The following PVT1 variants were observed in gnomAD, a reference collection of about 807,000 sequenced individuals.
PVT1 encodes the protein Pvt1 oncogene.
At chr8:127,949,061 T>C (rs921346364) in intron 3 of PVT1, among the ~76,000 whole-genome samples, 21 of 152,306 alleles carry the variant, frequency 1.4e-4, no homozygotes, top group East Asian at 5.8e-4. Flanking sequence ...TTCATCTTCA[T>C]GTGTAGCCTT....
chr8:127,994,411 C>T (rs1817080202), intron 4 of PVT1, among the ~76,000 whole-genome samples: 1 of 152,178 alleles, frequency 6.6e-6, no homozygotes, highest in African/African-American at 2.4e-5. Context: ...TGCCCTTGTC[C>T]ACTTTCCTGT....
intron 2 of PVT1, among the ~76,000 whole-genome samples, chr8:127,831,576 A>G (rs1051299872): frequency 3.9e-5 from 6 of 152,158 alleles, no homozygotes; most frequent in African/African-American, 1.4e-4. Context: ...ATAGATAGAA[A>G]AGTGGACATA....
chr8:128,031,855 G>A (rs116156987), intron 4 of PVT1, among the ~76,000 whole-genome samples: 2,525 of 152,194 alleles, frequency 0.017, 67 homozygotes, highest in African/African-American at 0.057. Context: ...AAGACAATCC[G>A]GCGTTTGAAC....
At chr8:127,880,039 T>C (rs76890156) in intron 2 of PVT1, among the ~76,000 whole-genome samples, 1,886 of 152,296 alleles carry the variant, frequency 0.012, 35 homozygotes, top group East Asian at 0.11. Flanking sequence ...CCTCTCACAT[T>C]CTATGTGGTC....
chr8:128,069,279 A>G (rs891303260), intron 4 of PVT1, among the ~76,000 whole-genome samples: 7 of 152,106 alleles, frequency 4.6e-5, no homozygotes, highest in Non-Finnish European at 7.4e-5. Flanking sequence ...CTTTCATCTC[A>G]TCTCTTCTCT....
At chr8:127,949,379 CTGTGTGTGTGTGTGTG>C (rs61425056) in intron 3 of PVT1, among the ~76,000 whole-genome samples, 13 of 111,258 alleles carry the variant, frequency 1.2e-4, no homozygotes, top group Admixed American at 5.5e-4. Context: ...ACTCCAGGAG[CTGTGTGTGTGTGTGTG>C]TGTGTGTGTG....
intron 4 of PVT1, among the ~76,000 whole-genome samples, chr8:128,037,340 A>G (rs1813476232): frequency 6.6e-6 from 1 of 152,160 alleles, no homozygotes; most frequent in African/African-American, 2.4e-5. Context: ...TTCCAATTCT[A>G]TAATTTATGT....
At chr8:127,888,125 A>G (rs1815549739) in intron 2 of PVT1, among the ~76,000 whole-genome samples, 1 of 151,446 alleles carries the variant, frequency 6.6e-6, no homozygotes, top group Non-Finnish European at 1.5e-5. Context: ...TAATTTTAGT[A>G]GAGACGGGGT....
chr8:128,079,004 CTT>C (rs200203311), intron 5 of PVT1, among the ~76,000 whole-genome samples: 68 of 127,936 alleles, frequency 5.3e-4, no homozygotes, highest in East Asian at 2.2e-3. Context: ...CTTTTCTTTT[CTT>C]TTTTTTTTTT....
intron 2 of PVT1, among the ~76,000 whole-genome samples, chr8:127,824,377 C>G (rs1814765036): frequency 6.6e-6 from 1 of 152,146 alleles, no homozygotes; most frequent in African/African-American, 2.4e-5. Flanking sequence ...AGGCTAATCT[C>G]AAACTCCTGG....
intron 4 of PVT1, among the ~76,000 whole-genome samples, chr8:127,992,393 C>A (rs1021045683): frequency 1.3e-5 from 2 of 152,158 alleles, no homozygotes; most frequent in Admixed American, 6.5e-5. Flanking sequence ...TCAAAACACA[C>A]GTACAAATTT....
intron 3 of PVT1, among the ~76,000 whole-genome samples, chr8:127,914,694 A>G (rs1182676873): frequency 1.3e-5 from 2 of 152,114 alleles, no homozygotes; most frequent in Non-Finnish European, 2.9e-5. Context: ...AAAGTCACAT[A>G]TTGTCTGATT....
intron 2 of PVT1, among the ~76,000 whole-genome samples, chr8:127,817,546 T>TATATATAC (rs1280832628): frequency 0.21 from 19,004 of 88,494 alleles, 702 homozygotes; most frequent in Non-Finnish European, 0.3. Flanking sequence ...TATATATATA[T>TATATATAC]ACACACACAC....
chr8:127,972,335 C>T (rs1241582046), intron 3 of PVT1, among the ~76,000 whole-genome samples: 2 of 152,148 alleles, frequency 1.3e-5, no homozygotes, highest in East Asian at 3.9e-4. Context: ...GTTGGGGAGC[C>T]CCTTGCCATT....
chr8:127,812,048 G>T (rs894669439), intron 2 of PVT1, among the ~76,000 whole-genome samples: 1 of 151,480 alleles, frequency 6.6e-6, no homozygotes, highest in Non-Finnish European at 1.5e-5. Flanking sequence ...TCTCTAGGCT[G>T]CAGTAAGCTG....
At chr8:127,888,587 A>G (rs1815555542) in intron 2 of PVT1, among the ~76,000 whole-genome samples, 2 of 152,246 alleles carry the variant, frequency 1.3e-5, no homozygotes, top group African/African-American at 4.8e-5. Context: ...TGAGCCCAAT[A>G]TAATCACATG....
intron 3 of PVT1, among the ~76,000 whole-genome samples, chr8:127,964,399 G>A (rs904364566): frequency 6.6e-6 from 1 of 152,234 alleles, no homozygotes; most frequent in African/African-American, 2.4e-5. Context: ...CAGAACTGGA[G>A]GATGGAGGTC....
intron 3 of PVT1, among the ~76,000 whole-genome samples, chr8:127,892,363 A>G (rs1029678753): frequency 1.2e-4 from 18 of 152,206 alleles, no homozygotes; most frequent in Non-Finnish European, 1.3e-4. Context: ...AGACACATAC[A>G]TAGTAGGCAT....
At chr8:127,970,387 T>G (rs1816752333) in intron 3 of PVT1, among the ~76,000 whole-genome samples, 1 of 138,068 alleles carries the variant, frequency 7.2e-6, no homozygotes, top group Non-Finnish European at 1.5e-5. Context: ...AAGCTCTGCC[T>G]CCCAGGCTCA....
Sources: allele counts gnomAD v4.1 joint callset (sites outside exome capture counted in the v4.1 genomes callset), GRCh38; gene constraint gnomAD v4.1.1; transcripts MANE v1.5; gene names NCBI Gene and HGNC (gene_info 2026-07-23, HGNC 2026-07-21).